The following AOPEP variants were observed in gnomAD, a reference collection of about 807,000 sequenced individuals.
AOPEP encodes the protein aminopeptidase O.
In AOPEP, 77 loss-of-function variants were observed where a neutral mutation model predicts 98.1. The ratio of observed to expected loss-of-function variants is 0.78; its 90% CI spans 0.65 to 0.95. AOPEP has a LOEUF of 0.95. Ranked by LOEUF, AOPEP falls within the 40% of genes least tolerant of loss-of-function variation. The pLI, the probability that AOPEP is intolerant of heterozygous loss-of-function variation, is 0.00. For missense variants in AOPEP, 1,024 were observed against 1,024.7 expected, an observed-to-expected ratio of 1.00 and a Z score of 0.01; for synonymous variants, 346 against 365.3, an observed-to-expected ratio of 0.95 and a Z score of 0.60.
intron 11 of AOPEP, among the ~76,000 whole-genome samples, chr9:95,001,277 T>C (rs186093531): frequency 6.6e-6 from 1 of 152,348 alleles, no homozygotes; most frequent in East Asian, 1.9e-4. Flanking sequence ...AAAGCAATGG[T>C]ATTTTCCTCA....
chr9:94,963,359 A>C (rs2058982369), intron 9 of AOPEP, among the ~76,000 whole-genome samples: 2 of 152,180 alleles, frequency 1.3e-5, no homozygotes, highest in East Asian at 3.8e-4. Context: ...CCATGTGCCA[A>C]AATCAGTGTT....
chr9:95,060,493 C>G lies in AOPEP; in HGVS notation c.2116-201C>G, dbSNP rs1367463601. On this transcript the variant is annotated intron_variant, in intron 13 of 16. Coordinates refer to ENST00000375315, the MANE Select transcript of AOPEP (RefSeq NM_001193329.3). ...ATGGAAAACGGGGCCAAAGCAGACC[C>G]CAGAATGTAGTGTCTTTGGGAATAC... Among the ~76,000 whole-genome samples the G allele has an allele frequency of 3.9e-5, 6 of 152,286 alleles. No homozygotes were observed. In the East Asian group the frequency reaches 1.2e-3, roughly 29 times the overall value.
intron 5 of AOPEP, chr9:94,824,225 A>G (rs1853944461): frequency 6.6e-6 from 1 of 152,150 alleles, no homozygotes; most frequent in African/African-American, 2.4e-5. Flanking sequence ...AAGCCCCCAA[A>G]AAGAGGATTT....
chr9:94,919,252 C>T (rs1208738567), intron 5 of AOPEP, among the ~76,000 whole-genome samples: 1 of 152,200 alleles, frequency 6.6e-6, no homozygotes, highest in African/African-American at 2.4e-5. Flanking sequence ...ACACATTGAT[C>T]AGACGTAGCA....
At chr9:94,738,122 C>T (rs1006070805) in intron 1 of AOPEP, among the ~76,000 whole-genome samples, 1 of 152,180 alleles carries the variant, frequency 6.6e-6, no homozygotes. Flanking sequence ...CAATAGTGTA[C>T]TTCATGTACC....
chr9:94,956,033 A>C lies in AOPEP; in HGVS notation c.1872+18A>C. Reference sequence around the variant, plus strand: ...TTTCCCAGGTAACTTATGGGTCCTCATGAGTCCATGATGTATGACTGGAGG... The same window carrying C: ...TTTCCCAGGTAACTTATGGGTCCTCCTGAGTCCATGATGTATGACTGGAGG... On this transcript the variant is annotated intron_variant, in intron 9 of 16. Transcript: ENST00000375315. 1 of 1,444,890 alleles carries C rather than the reference A, an allele frequency of 6.9e-7. No individual in the cohort carries two copies. The highest frequency in any genetic ancestry group is 9.7e-7 in the Non-Finnish European group (1 of 1,026,556). The allele number at this position is 1,444,890 out of a possible 1,614,324, so 89.5% of individuals were successfully genotyped here.
rs1297785951 is a variant in AOPEP, at chr9:94,972,956, A to G, written c.1916+5155A>G. On this transcript the variant is annotated intron_variant, in intron 10 of 16. Coordinates refer to ENST00000375315, the MANE Select transcript of AOPEP (RefSeq NM_001193329.3). This position sits in a 1 kb window ranked among gnomAD's most constrained non-coding sequence, Gnocchi z 4.2. ...CCTGTCTCAAAAAAAAAAGGAAGAA[A>G]ATAAGTAACTCTGCACAGCTTTGAG... Among the ~76,000 whole-genome samples, 7 of 152,106 alleles carry G rather than the reference A, an allele frequency of 4.6e-5. No homozygotes were observed. Among genetic ancestry groups the G allele is most frequent in the Non-Finnish European group, 1.0e-4 (7 of 68,022 alleles).
At position 94,967,742 on chromosome 9, in the gene AOPEP, C is replaced by G; in HGVS notation, c.1873-16C>G. 1.2e-6 allele frequency: 2 copies of G among 1,609,986 alleles called. No individual in the cohort carries two copies. Among genetic ancestry groups the G allele is most frequent in the Non-Finnish European group, 1.7e-6 (2 of 1,176,308 alleles). ...ATTGATGGACATCTTTAATGATTTG[C>G]TTTTTTTAATCCCAGGATTTCCTTC... On this transcript the variant is annotated splice_polypyrimidine_tract_variant and intron_variant, in intron 9 of 16. Transcript: ENST00000375315.
intron 5 of AOPEP, among the ~76,000 whole-genome samples, chr9:94,850,967 T>C (rs1427841917): frequency 2.0e-5 from 3 of 152,232 alleles, no homozygotes; most frequent in Admixed American, 2.0e-4. Context: ...GACACCTCTC[T>C]TCCTCCCCTG....
intron 14 of AOPEP, among the ~76,000 whole-genome samples, chr9:95,069,539 T>C (rs751547907): frequency 3.3e-5 from 5 of 151,148 alleles, no homozygotes; most frequent in Non-Finnish European, 5.9e-5. Context: ...GGCTCCCACG[T>C]TGTACTTTTT....
At chr9:95,107,057 G>A in the AOPEP span, 1 of 1,614,092 alleles carries the variant, frequency 6.2e-7, no homozygotes, top group East Asian at 2.2e-5. Flanking sequence ...GGACCACAGG[G>A]AGACTTACCA....
chr9:95,080,624 T>G, intron 14 of AOPEP, 70 bp from the exon 15 acceptor site: 1 of 1,065,402 alleles, frequency 9.4e-7, no homozygotes, highest in South Asian at 1.3e-5. Flanking sequence ...AGAGGCTGCC[T>G]GTCACTGGGC....
chr9:95,091,809 G>A (rs1164102071), downstream of AOPEP, among the ~76,000 whole-genome samples: 2 of 152,148 alleles, frequency 1.3e-5, no homozygotes, highest in South Asian at 4.1e-4. Flanking sequence ...GCCTGGGGTG[G>A]AAGGAAACCA....
chr9:95,124,232 G>A, the AOPEP span, among the ~76,000 whole-genome samples: 3 of 151,982 alleles, frequency 2.0e-5, no homozygotes, highest in South Asian at 4.2e-4. Context: ...GTCAAACTGC[G>A]GAGAGCTTCA....
At chr9:95,056,768 A>G (rs572904466) in intron 13 of AOPEP, among the ~76,000 whole-genome samples, 32 of 152,362 alleles carry the variant, frequency 2.1e-4, no homozygotes, top group Non-Finnish European at 3.5e-4. Context: ...TTTAGCAACT[A>G]TGAGATCTTC....
intron 5 of AOPEP, among the ~76,000 whole-genome samples, chr9:94,910,631 C>T (rs915735252): frequency 2.0e-5 from 3 of 152,194 alleles, no homozygotes; most frequent in South Asian, 2.1e-4. Context: ...CCAGCTCTTT[C>T]GGAGGACAGC....
intron 5 of AOPEP, among the ~76,000 whole-genome samples, chr9:94,886,927 G>A (rs1352010770): frequency 3.3e-5 from 5 of 152,120 alleles, no homozygotes; most frequent in Non-Finnish European, 7.3e-5. Flanking sequence ...TGCTTAGTAT[G>A]AATGGGTAAT....
Position 94,909,061 on chromosome 9 carries a change from C to T in AOPEP, c.1365-14925C>T, listed in dbSNP as rs181747224. ...CATGACATTATGGAATAAAAACACA[C>T]ACTTGCTTTGGTTTTGCCTGGTTTG... is the stretch of plus-strand genomic sequence containing the variant. On this transcript the variant is annotated intron_variant, in intron 5 of 16. Coordinates refer to ENST00000375315, the MANE Select transcript of AOPEP (RefSeq NM_001193329.3). 1.8e-4 allele frequency among the ~76,000 whole-genome samples: 27 copies of T among 152,224 alleles called. No individual in the cohort carries two copies. The East Asian group carries it at 5.2e-3, about 29-fold the overall frequency.
the AOPEP span, chr9:95,106,957 C>T: frequency 1.9e-6 from 2 of 1,069,184 alleles, no homozygotes; most frequent in African/African-American, 1.6e-5. Flanking sequence ...CTGTGCTGGG[C>T]AGCATCCTGG....
Sources: allele counts gnomAD v4.1 joint callset (sites outside exome capture counted in the v4.1 genomes callset), GRCh38; gene constraint gnomAD v4.1.1; non-coding constraint Gnocchi (gnomAD v3.1); transcripts MANE v1.5; gene names NCBI Gene and HGNC (gene_info 2026-07-23, HGNC 2026-07-21).